The following C1orf185 variants were observed in gnomAD, a reference collection of about 807,000 sequenced individuals.
The protein encoded by C1orf185 is uncharacterized protein C1orf185.
Under a neutral mutation model 16.1 loss-of-function variants are expected in C1orf185, and 13 were observed. The observed-to-expected ratio is 0.81, with a 90% CI of 0.53 to 1.28. C1orf185 has a LOEUF of 1.28. Ranked by LOEUF, C1orf185 falls within the 50% of genes most tolerant of loss-of-function variation. The pLI, the probability that C1orf185 is intolerant of heterozygous loss-of-function variation, is 0.00. For synonymous variants in C1orf185, 80 were observed against 76.9 expected (o/e 1.04, Z -0.21); for missense variants, 220 against 225.2 (o/e 0.98, Z 0.15).
chr1:51,131,118 G>A (rs1344742612), intron 3 of C1orf185, among the ~76,000 whole-genome samples: 1 of 152,122 alleles, frequency 6.6e-6, no homozygotes, highest in Non-Finnish European at 1.5e-5. Context: ...GGTCAGGCTG[G>A]TCTCAAACTC....
intron 1 of C1orf185, among the ~76,000 whole-genome samples, chr1:51,103,089 A>G (rs1160590369): frequency 6.6e-6 from 1 of 152,112 alleles, no homozygotes; most frequent in East Asian, 1.9e-4. Context: ...AACATGGTAT[A>G]TATAATAATG....
chr1:51,145,661 T>C (rs1481273678), intron 3 of C1orf185, 63 bp from the exon 4 acceptor site: 11 of 920,978 alleles, frequency 1.2e-5, no homozygotes, highest in Non-Finnish European at 1.7e-5. Flanking sequence ...ATATAAAATA[T>C]ATGAAAGAAG....
intron 1 of C1orf185, among the ~76,000 whole-genome samples, chr1:51,109,787 A>G (rs1213285204): frequency 6.6e-6 from 1 of 152,106 alleles, no homozygotes; most frequent in East Asian, 1.9e-4. Context: ...TGTTTTGGTT[A>G]TTATAGCATT....
rs1229737041 is a variant in C1orf185, at chr1:51,129,239, CAAG to C, written c.258+10439_258+10441del. Among the ~76,000 whole-genome samples, 6 of 152,118 alleles carry C rather than the reference CAAG, an allele frequency of 3.9e-5. No individual in the cohort carries two copies. In the East Asian group the frequency reaches 1.2e-3, roughly 29 times the overall value. On this transcript the variant is annotated intron_variant, in intron 3 of 4. Transcript: ENST00000371759. Reference sequence around the variant, plus strand: ...AGATGGGGTCTCAAACTCCTGGCCTCAAGTGATCCTCCCTCCTTGGCCTCTCAG... The same window carrying C: ...AGATGGGGTCTCAAACTCCTGGCCTCTGATCCTCCCTCCTTGGCCTCTCAG...
chr1:51,146,275 A>G (rs565281342), intron 4 of C1orf185, among the ~76,000 whole-genome samples: 78 of 152,202 alleles, frequency 5.1e-4, no homozygotes, highest in Admixed American at 2.7e-3. Flanking sequence ...CCTGGCCAAT[A>G]TGGTGAAACC....
downstream of C1orf185, among the ~76,000 whole-genome samples, chr1:51,150,452 C>A (rs973565583): frequency 6.6e-6 from 1 of 152,118 alleles, no homozygotes; most frequent in African/African-American, 2.4e-5. Flanking sequence ...CTAGGCCTCC[C>A]AAAGTGCTGG....
chr1:51,113,079 A>G (rs1049547129), intron 2 of C1orf185, among the ~76,000 whole-genome samples: 4 of 151,816 alleles, frequency 2.6e-5, no homozygotes, highest in African/African-American at 9.7e-5. Flanking sequence ...TCGGCCTCCC[A>G]AAGTGCTGGG....
At chr1:51,109,351 A>G (rs1450779364) in intron 1 of C1orf185, among the ~76,000 whole-genome samples, 1 of 152,182 alleles carries the variant, frequency 6.6e-6, no homozygotes, top group Non-Finnish European at 1.5e-5. Context: ...ATTTCCTGCC[A>G]TTCTACAAGT....
chr1:51,107,816 GTAGTT>G (rs1300742451), intron 1 of C1orf185, among the ~76,000 whole-genome samples: 1 of 152,156 alleles, frequency 6.6e-6, no homozygotes, highest in African/African-American at 2.4e-5. Context: ...GTGCATAGTT[GTAGTT>G]TATTCTTTCT....
At position 51,118,771 on chromosome 1, in the gene C1orf185, A is replaced by G; in HGVS notation, c.228A>G (p.Arg76=). The G allele has an allele frequency of 6.8e-7, 1 of 1,479,268 alleles. No homozygotes were observed. Among genetic ancestry groups the G allele is most frequent in the Non-Finnish European group, 9.1e-7 (1 of 1,104,884 alleles). 91.6% of individuals were successfully genotyped at this position (1,479,268 alleles called of 1,614,324 possible). A position where few individuals can be genotyped will look rare whatever the true frequency, so the allele number is the denominator to read the frequency against. The change falls in exon 3 of 5, where the codon CGA becomes CGG. Residue 76 remains arginine (R), a synonymous_variant. Transcript: ENST00000371759. ...ATTCTCAGTGTGTTTTTATTTCTCG[A>G]AATTTTCATACTGGGAGATTCCAAT... ...KSHSQCVFIS[R]NFHTGRFQLQ...
intron 1 of C1orf185, among the ~76,000 whole-genome samples, chr1:51,104,692 G>GTTTTATTTATTTTCATA (rs1646056346): frequency 6.6e-6 from 1 of 152,130 alleles, no homozygotes; most frequent in Admixed American, 6.6e-5. Context: ...GAGACAGAGA[G>GTTTTATTTATTTTCATA]TTTTATTTAT....
At chr1:51,144,926 C>T (rs1184970004) in intron 3 of C1orf185, among the ~76,000 whole-genome samples, 3 of 152,034 alleles carry the variant, frequency 2.0e-5, no homozygotes, top group Admixed American at 6.6e-5. Context: ...CTAAGAAAAA[C>T]CTGAATTTGA....
chr1:51,147,705 A>G lies in C1orf185; in HGVS notation c.534A>G (p.Val178=). Residue 178 remains valine (V), a synonymous_variant, in exon 5 of 5, where the codon GTA becomes GTG. Coordinates refer to ENST00000371759, the MANE Select transcript of C1orf185 (RefSeq NM_001136508.2). Reference sequence around the variant, plus strand: ...TCGGGGAACCTCTAATGGAAAAAGTATTTTCATACCTGTCAACCATTTCAT... The same window carrying G: ...TCGGGGAACCTCTAATGGAAAAAGTGTTTTCATACCTGTCAACCATTTCAT... ...PSLGEPLMEK[V]FSYLSTISLE... is the part of the protein sequence containing the mutation. 6.4e-7 allele frequency: 1 copy of G among 1,551,258 alleles called. No individual in the cohort carries two copies. The highest frequency in any genetic ancestry group is 8.7e-7 in the Non-Finnish European group (1 of 1,146,738).
intron 1 of C1orf185, chr1:51,107,179 G>C (rs1646079168): frequency 2.6e-5 from 4 of 152,222 alleles, no homozygotes; most frequent in Admixed American, 2.6e-4. Context: ...GACCAGCCTG[G>C]GCAATATAGA....
intron 3 of C1orf185, among the ~76,000 whole-genome samples, chr1:51,137,023 A>G (rs1447842192): frequency 6.6e-6 from 1 of 152,246 alleles, no homozygotes; most frequent in Non-Finnish European, 1.5e-5. Context: ...CAAAGGTCTA[A>G]TATCCAGCAT....
At chr1:51,145,983 T>G (rs1226598163) in intron 4 of C1orf185, among the ~76,000 whole-genome samples, 1 of 152,188 alleles carries the variant, frequency 6.6e-6, no homozygotes, top group Non-Finnish European at 1.5e-5. Flanking sequence ...TTAATTTTTA[T>G]CTCTTATTTG....
intron 1 of C1orf185, among the ~76,000 whole-genome samples, chr1:51,105,805 A>G (rs1646066816): frequency 6.6e-6 from 1 of 152,206 alleles, no homozygotes; most frequent in African/African-American, 2.4e-5. Flanking sequence ...TATGATATAT[A>G]TTGACTAAAC....
intron 3 of C1orf185, among the ~76,000 whole-genome samples, chr1:51,120,107 T>C (rs1346010066): frequency 6.6e-6 from 1 of 152,156 alleles, no homozygotes; most frequent in Non-Finnish European, 1.5e-5. Flanking sequence ...GGCTTGTGGC[T>C]ATGAAAGGAA....
chr1:51,129,163 G>A (rs749904336), intron 3 of C1orf185, among the ~76,000 whole-genome samples: 10 of 152,130 alleles, frequency 6.6e-5, no homozygotes, highest in African/African-American at 2.4e-4. Context: ...GGGATTACAG[G>A]CGAGAGCCAC....
Sources: gnomAD v4.1 joint callset for allele counts (sites outside exome capture counted in the v4.1 genomes callset) on GRCh38, gnomAD v4.1.1 for gene constraint, MANE v1.5 for transcripts, NCBI Gene and HGNC (gene_info 2026-07-23, HGNC 2026-07-21) for gene names.